The following SNTB1 variants were observed in gnomAD, a reference collection of about 807,000 sequenced individuals.
SNTB1 encodes the protein syntrophin beta 1.
A neutral mutation model predicts 48.9 loss-of-function variants in SNTB1; 36 were observed. The observed-to-expected ratio is 0.74, with a 90% CI of 0.56 to 0.97. The LOEUF (loss-of-function observed/expected upper bound fraction) is 0.97, where lower values mean the gene tolerates loss of function less well. Ranked by LOEUF, SNTB1 falls within the 50% of genes least tolerant of loss-of-function variation. The probability of loss-of-function intolerance (pLI) is 0.00; values close to 1 mark genes in which losing one functional copy is unlikely to be tolerated. For synonymous variants in SNTB1, 299 were observed against 294.6 expected, an observed-to-expected ratio of 1.01 and a Z score of -0.15; for missense variants, 786 against 703.4, an observed-to-expected ratio of 1.12 and a Z score of -1.33.
chr8:120,707,367 G>A (rs1818395122), intron 1 of SNTB1, among the ~76,000 whole-genome samples: 1 of 152,178 alleles, frequency 6.6e-6, no homozygotes, highest in African/African-American at 2.4e-5. Flanking sequence ...TTTTCTTCAA[G>A]AGGCCAAACT....
At chr8:120,734,593 G>T (rs1055241861) in intron 1 of SNTB1, among the ~76,000 whole-genome samples, 1 of 152,168 alleles carries the variant, frequency 6.6e-6, no homozygotes, top group Non-Finnish European at 1.5e-5. Flanking sequence ...TTTTATAGAT[G>T]AAGAGGATAA....
rs141016659 is a variant in SNTB1 at position 120,677,952 on chromosome 8, C to A, written c.788+15740G>T. Among the ~76,000 whole-genome samples the A allele has an allele frequency of 2.0e-3, 301 of 152,042 alleles. 1 individual carries two copies. The Middle Eastern group carries it at 0.041, about 21-fold the overall frequency. ...AACTTCTGGATCTAGGGTTTGGTTT[C>A]CAGGTAACATGAAGAAACATTTTCC... On this transcript the variant is annotated intron_variant, in intron 2 of 6. Coordinates refer to ENST00000517992, the MANE Select transcript of SNTB1 (RefSeq NM_021021.4).
chr8:120,728,946 T>C (rs1818806440), intron 1 of SNTB1, among the ~76,000 whole-genome samples: 1 of 152,162 alleles, frequency 6.6e-6, no homozygotes, highest in African/African-American at 2.4e-5. Flanking sequence ...AAATGTTACC[T>C]TTTCTCCATA....
intron 1 of SNTB1, among the ~76,000 whole-genome samples, chr8:120,810,219 A>G (rs968516595): frequency 1.4e-4 from 21 of 152,354 alleles, no homozygotes; most frequent in South Asian, 6.2e-4. Flanking sequence ...GAGTAAATAG[A>G]TAAAATAATT....
intron 1 of SNTB1, among the ~76,000 whole-genome samples, chr8:120,698,235 T>C (rs1486085942): frequency 6.6e-6 from 1 of 152,174 alleles, no homozygotes; most frequent in Non-Finnish European, 1.5e-5. Context: ...TTTTCTGTGT[T>C]TCTTCTGAGA....
intron 1 of SNTB1, among the ~76,000 whole-genome samples, chr8:120,725,544 C>T: frequency 6.6e-6 from 1 of 152,162 alleles, no homozygotes; most frequent in East Asian, 1.9e-4. Flanking sequence ...GCTCTAATCT[C>T]CTGTGAGATT....
At chr8:120,641,040 A>AAT (rs1554649534) in intron 2 of SNTB1, among the ~76,000 whole-genome samples, 1 of 151,058 alleles carries the variant, frequency 6.6e-6, no homozygotes, top group African/African-American at 2.4e-5. Flanking sequence ...AATAGCCAGC[A>AAT]TTTTTTTTTC....
At chr8:120,639,887 T>C (rs1817159195) in intron 2 of SNTB1, among the ~76,000 whole-genome samples, 1 of 152,226 alleles carries the variant, frequency 6.6e-6, no homozygotes, top group Admixed American at 6.5e-5. Context: ...ATACGAACTT[T>C]AAAGTAGTTT....
intron 2 of SNTB1, chr8:120,638,315 C>T (rs141511535): frequency 2.5e-4 from 38 of 152,302 alleles, no homozygotes; most frequent in African/African-American, 7.5e-4. Context: ...TCCCACTATC[C>T]GTCTCAGTGC....
rs183382214 is a variant in SNTB1, at chr8:120,794,972, G to A, written c.571+16301C>T. On this transcript the variant is annotated intron_variant, in intron 1 of 6. Transcript: ENST00000517992. ...TTGCTGCAAACCAGAGTCTCAGACT[G>A]GCTGAAAGGCTATAATTTTGAAAGT... is the stretch of plus-strand genomic sequence containing the variant. Among the ~76,000 whole-genome samples, 357 of 152,046 alleles carry A rather than the reference G, an allele frequency of 2.3e-3. 1 individual carries two copies. Among genetic ancestry groups the A allele is most frequent in the African/African-American group, 8.2e-3 (341 of 41,502 alleles).
chr8:120,717,359 C>T (rs946619159), intron 1 of SNTB1, among the ~76,000 whole-genome samples: 4 of 152,214 alleles, frequency 2.6e-5, no homozygotes, highest in East Asian at 3.8e-4. Context: ...TCCCACTGCA[C>T]GAGTCGAGAG....
At chr8:120,682,581 G>A (rs1435867603) in intron 2 of SNTB1, among the ~76,000 whole-genome samples, 2 of 152,166 alleles carry the variant, frequency 1.3e-5, no homozygotes, top group Non-Finnish European at 2.9e-5. Context: ...AATGCAGAGT[G>A]CCCACACTGT....
intron 3 of SNTB1, among the ~76,000 whole-genome samples, chr8:120,604,087 T>C (rs1019632433): frequency 6.6e-6 from 1 of 152,094 alleles, no homozygotes; most frequent in Non-Finnish European, 1.5e-5. Context: ...ATGACTGATA[T>C]GGGCCCAAAT....
At chr8:120,629,862 T>G (rs1156236850) in intron 3 of SNTB1, among the ~76,000 whole-genome samples, 1 of 152,226 alleles carries the variant, frequency 6.6e-6, no homozygotes, top group South Asian at 2.1e-4. Flanking sequence ...AACAATCATA[T>G]GCTAAAAACA....
At chr8:120,552,248 A>C (rs989667530) in intron 4 of SNTB1, among the ~76,000 whole-genome samples, 2 of 152,254 alleles carry the variant, frequency 1.3e-5, no homozygotes, top group Non-Finnish European at 2.9e-5. Context: ...GGGTATGAGG[A>C]ATGGAATTAC....
chr8:120,607,016 A>G lies in SNTB1; in HGVS notation c.996+25428T>C, dbSNP rs183730875. ...CATAATCTTGAGATGAGAAGACTGT[A>G]TCCCTGGAAAAGCCAAGAGAGGCAG... On this transcript the variant is annotated intron_variant, in intron 3 of 6. Transcript: ENST00000517992. Among the ~76,000 whole-genome samples the G allele has an allele frequency of 3.7e-3, 566 of 152,316 alleles. 4 individuals are homozygous for G. The highest frequency in any genetic ancestry group is 0.014 in the Admixed American group (221 of 15,294).
chr8:120,787,919 T>C (rs184918495), intron 1 of SNTB1, among the ~76,000 whole-genome samples: 6 of 152,230 alleles, frequency 3.9e-5, no homozygotes, highest in Non-Finnish European at 8.8e-5. Context: ...CATCAAGACA[T>C]ATAGTCATCA....
intron 1 of SNTB1, among the ~76,000 whole-genome samples, chr8:120,722,098 A>G (rs375498212): frequency 1.3e-5 from 2 of 152,180 alleles, no homozygotes; most frequent in South Asian, 2.1e-4. Context: ...ATAGTATTCC[A>G]TGGTGTATAT....
intron 4 of SNTB1, among the ~76,000 whole-genome samples, chr8:120,560,498 A>T (rs1029386114): frequency 2.0e-5 from 3 of 150,254 alleles, no homozygotes; most frequent in African/African-American, 5.0e-5. Flanking sequence ...AAATAAATAA[A>T]TAATAAATAA....
Sources: gnomAD v4.1 joint callset for allele counts (sites outside exome capture counted in the v4.1 genomes callset) on GRCh38, gnomAD v4.1.1 for gene constraint, MANE v1.5 for transcripts, NCBI Gene and HGNC (gene_info 2026-07-23, HGNC 2026-07-21) for gene names.